TLK2: variants seen among roughly 807,000 people sequenced by gnomAD.
TLK2 encodes the protein serine/threonine-protein kinase tousled-like 2.
Under a neutral mutation model 117.3 loss-of-function variants are expected in TLK2, and 6 were observed. The ratio of observed to expected loss-of-function variants is 0.05; its 90% CI spans 0.03 to 0.10. TLK2 has a LOEUF of 0.10. Among genes scored for constraint, TLK2 ranks in the 10% least tolerant of loss-of-function variants. The pLI, the probability that TLK2 is intolerant of heterozygous loss-of-function variation, is 1.00. For synonymous variants in TLK2, 257 were observed against 316.7 expected, an observed-to-expected ratio of 0.81 and a Z score of 2.00; for missense variants, 299 against 901.2, an observed-to-expected ratio of 0.33 and a Z score of 8.56.
intron 6 of TLK2, among the ~76,000 whole-genome samples, chr17:62,534,960 C>T (rs1438275195): frequency 7.7e-6 from 1 of 129,412 alleles, no homozygotes; most frequent in Non-Finnish European, 1.5e-5. Flanking sequence ...GCAATCTGGG[C>T]TCACTGCAAC....
At position 62,578,651 on chromosome 17, in the gene TLK2, T is replaced by G. The variant is rs1005577383; in HGVS notation, c.1286+77T>G. 1.9e-5 allele frequency: 21 copies of G among 1,130,806 alleles called. No individual in the cohort carries two copies. The Admixed American group carries it at 4.0e-4, about 22-fold the overall frequency. The allele number at this position is 1,130,806 out of a possible 1,614,324, so 70.0% of individuals were successfully genotyped here. On this transcript the variant is annotated intron_variant, in intron 14 of 21. Transcript: ENST00000346027. ...ATGAATTGAATGGTCTAGAATAATG[T>G]GTTTGCTTAATGTAAGTTACATAAA...
chr17:62,558,451 C>T (rs2146312082), intron 9 of TLK2, among the ~76,000 whole-genome samples: 1 of 152,300 alleles, frequency 6.6e-6, no homozygotes, highest in South Asian at 2.1e-4. Flanking sequence ...GCATGAGCCA[C>T]GCTCACCAGC....
chr17:62,546,616 C>T (rs1191502486), intron 7 of TLK2, among the ~76,000 whole-genome samples: 10 of 145,228 alleles, frequency 6.9e-5, no homozygotes, highest in South Asian at 6.6e-4. Flanking sequence ...AGTGCGGTGG[C>T]GTGATCTTGG....
At chr17:62,545,119 C>T (rs867132202) in intron 7 of TLK2, among the ~76,000 whole-genome samples, 2 of 152,072 alleles carry the variant, frequency 1.3e-5, no homozygotes, top group South Asian at 4.2e-4. Context: ...CTCCGCCTCC[C>T]GGGTTCAAGC....
intron 7 of TLK2, among the ~76,000 whole-genome samples, chr17:62,540,856 A>G (rs2077477705): frequency 6.6e-6 from 1 of 152,154 alleles, no homozygotes; most frequent in Non-Finnish European, 1.5e-5. Context: ...ACGTAAGTCC[A>G]GTCATGCCAC....
intron 2 of TLK2, 28 bp from the exon 3 acceptor site, chr17:62,520,745 A>AT: frequency 6.3e-7 from 1 of 1,590,426 alleles, no homozygotes; most frequent in East Asian, 2.3e-5. Flanking sequence ...ATTAAAATTT[A>AT]TTTATTTATG....
At chr17:62,527,004 C>T (rs567675066) in intron 6 of TLK2, among the ~76,000 whole-genome samples, 1 of 152,300 alleles carries the variant, frequency 6.6e-6, no homozygotes, top group Admixed American at 6.5e-5. Context: ...TCCCATCGTC[C>T]ACCTGATTCT....
intron 7 of TLK2, among the ~76,000 whole-genome samples, chr17:62,540,400 A>ATTCTTTT (rs2077439016): frequency 5.0e-5 from 1 of 19,990 alleles, no homozygotes; most frequent in Non-Finnish European, 2.2e-4. Flanking sequence ...TATGTTCAGA[A>ATTCTTTT]TTTTTTTTTT....
At chr17:62,540,947 T>G (rs1382322996) in intron 7 of TLK2, among the ~76,000 whole-genome samples, 1 of 152,186 alleles carries the variant, frequency 6.6e-6, no homozygotes, top group African/African-American at 2.4e-5. Flanking sequence ...CATCTACCTT[T>G]CTCATCAGAT....
chr17:62,509,702 C>T (rs1424147389), intron 2 of TLK2, among the ~76,000 whole-genome samples: 1 of 152,142 alleles, frequency 6.6e-6, no homozygotes, highest in Admixed American at 6.5e-5. Flanking sequence ...GTAAAGAGAG[C>T]TCCTCCTCTC....
At chr17:62,531,351 C>G (rs181129552) in intron 6 of TLK2, among the ~76,000 whole-genome samples, 102 of 152,052 alleles carry the variant, frequency 6.7e-4, no homozygotes, top group Non-Finnish European at 8.4e-4. Flanking sequence ...TTTATTGTTT[C>G]TAATTTGCTA....
intron 6 of TLK2, among the ~76,000 whole-genome samples, chr17:62,530,926 C>T (rs534113205): frequency 5.9e-5 from 9 of 152,054 alleles, no homozygotes; most frequent in African/African-American, 2.2e-4. Context: ...AGCAGTAATT[C>T]ATTACCATGT....
At chr17:62,546,341 A>ATGGTTTTTTTTTTT (rs1555628526) in intron 7 of TLK2, among the ~76,000 whole-genome samples, 1 of 8,866 alleles carries the variant, frequency 1.1e-4, no homozygotes, top group Non-Finnish European at 4.1e-4. Flanking sequence ...GAGTTTGTTG[A>ATGGTTTTTTTTTTT]TTGTTTTTTT....
Position 62,479,030 on chromosome 17 carries a change from C to CGCCCGG in TLK2, c.-254_-249dup, listed in dbSNP as rs988003805. 4 of 150,594 alleles carry CGCCCGG rather than the reference C, an allele frequency of 2.7e-5. No homozygotes were observed. Among genetic ancestry groups the CGCCCGG allele is most frequent in the South Asian group, 2.1e-4 (1 of 4,828 alleles). 9.3% of individuals were successfully genotyped at this position (150,594 alleles called of 1,614,324 possible). ...AGGCCGGTCCCGCGCCCCCCGCGGC[C>CGCCCGG]GCCCGGGCCCGGGCCCGCGTCGGGC... is the stretch of plus-strand genomic sequence containing the variant. On this transcript the variant is annotated 5_prime_UTR_variant, in exon 1 of 22. Coordinates refer to ENST00000346027, the MANE Select transcript of TLK2 (RefSeq NM_006852.6).
intron 2 of TLK2, among the ~76,000 whole-genome samples, chr17:62,499,625 G>A (rs1406845646): frequency 1.3e-5 from 2 of 151,834 alleles, no homozygotes; most frequent in Non-Finnish European, 2.9e-5. Context: ...CGAGGTGGGC[G>A]GATTGCCTGA....
intron 2 of TLK2, among the ~76,000 whole-genome samples, chr17:62,506,819 C>T (rs1332576315): frequency 6.6e-6 from 1 of 152,092 alleles, no homozygotes; most frequent in Admixed American, 6.6e-5. Flanking sequence ...AGATTATAGG[C>T]CCCATAATGA....
intron 9 of TLK2, among the ~76,000 whole-genome samples, chr17:62,557,202 G>C (rs997632416): frequency 2.0e-5 from 3 of 152,210 alleles, no homozygotes; most frequent in African/African-American, 7.2e-5. Context: ...TGGGATAACA[G>C]ACGTGAGCCA....
chr17:62,495,248 G>T (rs2073529576), intron 2 of TLK2, among the ~76,000 whole-genome samples: 1 of 151,938 alleles, frequency 6.6e-6, no homozygotes, highest in Non-Finnish European at 1.5e-5. Flanking sequence ...TCACACCATT[G>T]CAGTCTAGCC....
intron 7 of TLK2, among the ~76,000 whole-genome samples, chr17:62,536,951 G>A (rs905610922): frequency 1.3e-5 from 2 of 152,106 alleles, no homozygotes; most frequent in Non-Finnish European, 2.9e-5. Flanking sequence ...ATTTCATAAG[G>A]CGCTATGAGT....
Sources: allele counts gnomAD v4.1 joint callset (sites outside exome capture counted in the v4.1 genomes callset), GRCh38; gene constraint gnomAD v4.1.1; transcripts MANE v1.5; gene names NCBI Gene and HGNC (gene_info 2026-07-23, HGNC 2026-07-21).